ZNF385D: variants seen among roughly 807,000 people sequenced by gnomAD.
The protein encoded by ZNF385D is zinc finger protein 385D, also known as zinc finger protein 659.
A neutral mutation model predicts 35.8 loss-of-function variants in ZNF385D; 15 were observed. The ratio of observed to expected loss-of-function variants is 0.42; its 90% CI spans 0.28 to 0.64. The LOEUF (loss-of-function observed/expected upper bound fraction) is 0.64, where lower values mean the gene tolerates loss of function less well. ZNF385D is among the 30% of genes least tolerant of loss of function. The pLI, the probability that ZNF385D is intolerant of heterozygous loss-of-function variation, is 0.23. For synonymous variants in ZNF385D, 212 were observed against 186.8 expected (o/e 1.13, Z -1.10); for missense variants, 474 against 494.6 (o/e 0.96, Z 0.39).
chr3:21,843,500 G>A (rs988772505), intron 3 of ZNF385D, among the ~76,000 whole-genome samples: 1 of 151,960 alleles, frequency 6.6e-6, no homozygotes, highest in Non-Finnish European at 1.5e-5. Context: ...GCCCAAGCAC[G>A]TGAGAGGTAG....
At chr3:21,593,926 T>C (rs2064056030) in intron 2 of ZNF385D, among the ~76,000 whole-genome samples, 1 of 152,144 alleles carries the variant, frequency 6.6e-6, no homozygotes, top group Non-Finnish European at 1.5e-5. Context: ...CCAACTTCAC[T>C]GCTGCTTCCT....
intron 3 of ZNF385D, among the ~76,000 whole-genome samples, chr3:21,891,470 T>C (rs1266951049): frequency 2.0e-5 from 3 of 152,210 alleles, no homozygotes; most frequent in Admixed American, 6.5e-5. Flanking sequence ...GGCCTTATCA[T>C]TGTCACACAC....
At chr3:22,177,117 G>C (rs1040091299) in intron 2 of ZNF385D, among the ~76,000 whole-genome samples, 13 of 152,066 alleles carry the variant, frequency 8.5e-5, no homozygotes, top group African/African-American at 3.1e-4. Flanking sequence ...TGATCCCCCT[G>C]GAGTTATGCC....
chr3:21,608,136 A>G (rs1475513465), intron 2 of ZNF385D, among the ~76,000 whole-genome samples: 1 of 149,836 alleles, frequency 6.7e-6, no homozygotes, highest in African/African-American at 2.5e-5. Context: ...CAGCCTCCTG[A>G]GTAGCTGGGA....
At chr3:21,914,682 C>T (rs766324825) in intron 3 of ZNF385D, among the ~76,000 whole-genome samples, 29 of 152,022 alleles carry the variant, frequency 1.9e-4, no homozygotes, top group Non-Finnish European at 3.7e-4. Flanking sequence ...AAACACTGTA[C>T]ATTGCTGCTG....
At chr3:22,236,106 A>G (rs571766537) in intron 2 of ZNF385D, among the ~76,000 whole-genome samples, 1 of 152,308 alleles carries the variant, frequency 6.6e-6, no homozygotes, top group African/African-American at 2.4e-5. Flanking sequence ...CAGCACAAAT[A>G]ATAATACAAA....
chr3:22,324,521 A>G (rs1181751878), intron 2 of ZNF385D, among the ~76,000 whole-genome samples: 1 of 152,170 alleles, frequency 6.6e-6, no homozygotes, highest in Non-Finnish European at 1.5e-5. Context: ...AAGATATATA[A>G]AAATTTACTA....
At chr3:21,695,206 A>T (rs2067429144) in intron 1 of ZNF385D, among the ~76,000 whole-genome samples, 1 of 152,224 alleles carries the variant, frequency 6.6e-6, no homozygotes, top group Non-Finnish European at 1.5e-5. Flanking sequence ...TCAGACATCC[A>T]AAGGACATCA....
At chr3:22,255,692 A>T (rs1363701226) in intron 2 of ZNF385D, among the ~76,000 whole-genome samples, 1 of 151,734 alleles carries the variant, frequency 6.6e-6, no homozygotes, top group Non-Finnish European at 1.5e-5. Flanking sequence ...TATCCATTTC[A>T]TATGTACTTT....
chr3:21,936,248 G>C (rs1188290454), intron 3 of ZNF385D, among the ~76,000 whole-genome samples: 1 of 152,150 alleles, frequency 6.6e-6, no homozygotes, highest in Non-Finnish European at 1.5e-5. Flanking sequence ...GACACAGGGA[G>C]ATGACATAGA....
At chr3:21,649,499 CAGTA>C (rs2065851857) in intron 2 of ZNF385D, among the ~76,000 whole-genome samples, 1 of 152,050 alleles carries the variant, frequency 6.6e-6, no homozygotes, top group Non-Finnish European at 1.5e-5. Flanking sequence ...GTGACACTAA[CAGTA>C]AGAATATAAT....
chr3:22,096,156 GA>G (rs1422416551), intron 3 of ZNF385D, among the ~76,000 whole-genome samples: 1 of 151,754 alleles, frequency 6.6e-6, no homozygotes, highest in African/African-American at 2.4e-5. Context: ...TAATTGTTTA[GA>G]GGGGGAAGGG....
intron 3 of ZNF385D, among the ~76,000 whole-genome samples, chr3:21,957,372 T>C (rs1167437308): frequency 6.6e-6 from 1 of 152,094 alleles, no homozygotes; most frequent in Non-Finnish European, 1.5e-5. Flanking sequence ...TGGAACAGAT[T>C]GGAGCGCTCA....
chr3:22,239,698 T>C (rs574380742), intron 2 of ZNF385D, among the ~76,000 whole-genome samples: 24 of 151,200 alleles, frequency 1.6e-4, no homozygotes, highest in Non-Finnish European at 7.4e-5. Flanking sequence ...AACAGTGTGC[T>C]AGCCAATATC....
intron 3 of ZNF385D, among the ~76,000 whole-genome samples, chr3:22,003,408 C>G (rs1695983202): frequency 6.6e-6 from 1 of 152,060 alleles, no homozygotes; most frequent in Non-Finnish European, 1.5e-5. Context: ...GCAAAACACT[C>G]ATGAAAGAAA....
At chr3:21,957,740 C>T (rs71310298) in intron 3 of ZNF385D, among the ~76,000 whole-genome samples, 1,954 of 152,172 alleles carry the variant, frequency 0.013, 23 homozygotes, top group Non-Finnish European at 0.019. Context: ...TGGATTTTCC[C>T]TCATGGCTTA....
At chr3:21,990,831 A>G (rs958790189) in intron 3 of ZNF385D, among the ~76,000 whole-genome samples, 1 of 152,204 alleles carries the variant, frequency 6.6e-6, no homozygotes, top group African/African-American at 2.4e-5. Flanking sequence ...AAAACTGTAT[A>G]GCTTGGATTT....
chr3:22,329,076 CAAAAAAAAAA>C (rs776193960), intron 2 of ZNF385D, among the ~76,000 whole-genome samples: 1 of 74,904 alleles, frequency 1.3e-5, no homozygotes, highest in Non-Finnish European at 2.5e-5. Context: ...GACTCCGTCT[CAAAAAAAAAA>C]AAAAAAAAAA....
intron 4 of ZNF385D, among the ~76,000 whole-genome samples, chr3:21,437,890 G>T (rs1256192301): frequency 6.6e-6 from 1 of 152,014 alleles, no homozygotes; most frequent in Non-Finnish European, 1.5e-5. Flanking sequence ...CAAGCTGTAC[G>T]CAGGGAGTTT....
Sources: allele counts gnomAD v4.1 joint callset (sites outside exome capture counted in the v4.1 genomes callset), GRCh38; gene constraint gnomAD v4.1.1; transcripts MANE v1.5; gene names NCBI Gene and HGNC (gene_info 2026-07-23, HGNC 2026-07-21).